The following PAPSS2 variants were observed in gnomAD, a reference collection of about 807,000 sequenced individuals.
The protein encoded by PAPSS2 is 3'-phosphoadenosine 5'-phosphosulfate synthase 2.
PAPSS2 carries 61 observed loss-of-function variants against 66.5 expected under a neutral mutation model. The observed-to-expected ratio is 0.92, with a 90% CI of 0.75 to 1.14. The LOEUF (loss-of-function observed/expected upper bound fraction) is 1.14, where lower values mean the gene tolerates loss of function less well. Among genes scored for constraint, PAPSS2 ranks in the 50% most tolerant of loss-of-function variants. The pLI is 0.00. For missense variants in PAPSS2, 708 were observed against 789.6 expected, an observed-to-expected ratio of 0.90 and a Z score of 1.24; for synonymous variants, 289 against 287.5, an observed-to-expected ratio of 1.01 and a Z score of -0.05.
chr10:87,745,927 G>A lies in PAPSS2; in HGVS notation c.1817G>A (p.Trp606Ter). ...PPDGFMAPKA[W>*]KVLTDYYRSL... ...GATGGCTTCATGGCCCCCAAAGCAT[G>A]GAAGGTCCTGACAGATTATTACAGG... Residue 606 changes from tryptophan (W) to a stop codon, truncating the protein, a stop_gained, in exon 13 of 13, where the codon TGG becomes TAG. Coordinates refer to ENST00000456849, the MANE Select transcript of PAPSS2 (RefSeq NM_001015880.2). LOFTEE classifies it high-confidence loss of function. 6.2e-7 allele frequency: 1 copy of A among 1,614,050 alleles called. No homozygotes were observed.
chr10:87,718,721 T>C (rs1455949757), intron 7 of PAPSS2, among the ~76,000 whole-genome samples: 1 of 152,234 alleles, frequency 6.6e-6, no homozygotes, highest in Non-Finnish European at 1.5e-5. Flanking sequence ...TTTTGCAGTT[T>C]ATGGACTCTT....
intron 1 of PAPSS2, among the ~76,000 whole-genome samples, chr10:87,684,358 C>T (rs1346932485): frequency 6.6e-6 from 1 of 152,242 alleles, no homozygotes; most frequent in East Asian, 1.9e-4. Context: ...ATTATTCTTT[C>T]ACAGTTGCAA....
chr10:87,682,231 C>G (rs1853029957), intron 1 of PAPSS2, among the ~76,000 whole-genome samples: 1 of 152,182 alleles, frequency 6.6e-6, no homozygotes, highest in East Asian at 1.9e-4. Flanking sequence ...CATTGTATAG[C>G]CATGCCGGCT....
In PAPSS2 at chr10:87,747,003, G is replaced by T. The variant is rs1853949588; in HGVS notation, c.*1033G>T. On this transcript the variant is annotated 3_prime_UTR_variant, in exon 13 of 13. Coordinates refer to ENST00000456849, the MANE Select transcript of PAPSS2 (RefSeq NM_001015880.2). ...ATTAGGAAGTGCTGGTGGCAGTGAA[G>T]AAGCACCCAGGCCACTTGACTCCCA... is the stretch of plus-strand genomic sequence containing the variant. 1 of 152,166 alleles carries T rather than the reference G, an allele frequency of 6.6e-6. No individual in the cohort carries two copies. Among genetic ancestry groups the T allele is most frequent in the South Asian group, 2.1e-4 (1 of 4,828 alleles). The allele number at this position is 152,166 out of a possible 1,614,324, so 9.4% of individuals were successfully genotyped here.
In PAPSS2 at chr10:87,715,774, A is replaced by G. The variant is rs1853524721; in HGVS notation, c.796A>G (p.Thr266Ala). 6.2e-7 allele frequency: 1 copy of G among 1,613,500 alleles called. No individual in the cohort carries two copies. The highest frequency in any genetic ancestry group is 8.5e-7 in the Non-Finnish European group (1 of 1,179,702). The change falls in exon 7 of 13, where the codon ACT becomes GCT. Residue 266 changes from threonine to alanine, a missense_variant. Physicochemically the swap from Thr to Ala is moderately conservative, Grantham distance 58 (BLOSUM62 0). Coordinates refer to ENST00000456849, the MANE Select transcript of PAPSS2 (RefSeq NM_001015880.2). ...CCAGGTTTTGAGCGAAGGCTGGGCC[A>G]CTCCCCTCAAAGGTTTCATGCGGGA... is the stretch of plus-strand genomic sequence containing the variant. ...WVQVLSEGWATPLKGFMREKE... is the reference protein window; with the variant it reads ...WVQVLSEGWAAPLKGFMREKE...
intron 2 of PAPSS2, among the ~76,000 whole-genome samples, chr10:87,709,748 A>C (rs1853442163): frequency 6.6e-6 from 1 of 152,234 alleles, no homozygotes; most frequent in East Asian, 1.9e-4. Flanking sequence ...ATTGTTGCCT[A>C]ATGTTTTGAC....
intron 1 of PAPSS2, among the ~76,000 whole-genome samples, chr10:87,708,860 A>G (rs1022446595): frequency 2.0e-5 from 3 of 152,220 alleles, no homozygotes; most frequent in African/African-American, 7.2e-5. Context: ...GCATGAATCA[A>G]TGAGATATGA....
chr10:87,730,586 T>C (rs768163276), intron 9 of PAPSS2, among the ~76,000 whole-genome samples: 1 of 152,194 alleles, frequency 6.6e-6, no homozygotes, highest in African/African-American at 2.4e-5. Flanking sequence ...CAAATGCAAA[T>C]GTACCCCACA....
At chr10:87,734,703 A>ATATG (rs1554868034) in intron 9 of PAPSS2, among the ~76,000 whole-genome samples, 1,639 of 110,988 alleles carry the variant, frequency 0.015, 82 homozygotes, top group African/African-American at 0.058. Context: ...ATATATATAT[A>ATATG]TATGTATGTA....
intron 2 of PAPSS2, among the ~76,000 whole-genome samples, chr10:87,712,677 G>A (rs1035807368): frequency 3.9e-5 from 6 of 151,914 alleles, no homozygotes; most frequent in African/African-American, 1.2e-4. Context: ...GGCTAGTTTC[G>A]AACTCCTGGG....
At chr10:87,740,608 C>A (rs1181942212) in intron 9 of PAPSS2, among the ~76,000 whole-genome samples, 1 of 152,162 alleles carries the variant, frequency 6.6e-6, no homozygotes, top group Non-Finnish European at 1.5e-5. Context: ...CCAACTTAAA[C>A]CTTTAAGAAA....
intron 1 of PAPSS2, among the ~76,000 whole-genome samples, chr10:87,670,516 G>A (rs1852862842): frequency 6.6e-6 from 1 of 152,038 alleles, no homozygotes; most frequent in Non-Finnish European, 1.5e-5. Context: ...GTGTTTCAGC[G>A]ATAGGTACTA....
intron 3 of PAPSS2, among the ~76,000 whole-genome samples, chr10:87,713,629 T>C (rs867415234): frequency 2.0e-5 from 3 of 152,090 alleles, no homozygotes; most frequent in South Asian, 4.2e-4. Context: ...CCTCTGTAAT[T>C]TTAGTTGTCG....
intron 1 of PAPSS2, among the ~76,000 whole-genome samples, chr10:87,706,108 ATGTGTGTGTGTGTGTGTGTGTGTGTGTG>A (rs150079044): frequency 2.9e-4 from 15 of 51,980 alleles, no homozygotes; most frequent in Admixed American, 4.1e-4. Context: ...ATATATATAT[ATGTGTGTGTGTGTGTGTGTGTGTGTGTG>A]TGTGTATATA....
intron 8 of PAPSS2, 39 bp from the exon 9 acceptor site, chr10:87,727,245 T>TG (rs1853669847): frequency 1.3e-6 from 2 of 1,539,184 alleles, no homozygotes; most frequent in Admixed American, 1.7e-5. Flanking sequence ...TGGCACACCT[T>TG]ATATCTAGTT....
At chr10:87,688,200 T>A (rs1010640810) in intron 1 of PAPSS2, among the ~76,000 whole-genome samples, 2 of 151,916 alleles carry the variant, frequency 1.3e-5, no homozygotes, top group Non-Finnish European at 2.9e-5. Flanking sequence ...AATATTCTAG[T>A]TAAAAATTAG....
chr10:87,670,998 A>T (rs1852870421), intron 1 of PAPSS2, among the ~76,000 whole-genome samples: 1 of 152,188 alleles, frequency 6.6e-6, no homozygotes, highest in South Asian at 2.1e-4. Context: ...GGGAACAAGC[A>T]TTTATCCAGG....
chr10:87,693,889 G>T (rs1465606242), intron 1 of PAPSS2, among the ~76,000 whole-genome samples: 2 of 152,166 alleles, frequency 1.3e-5, no homozygotes, highest in Non-Finnish European at 2.9e-5. Flanking sequence ...GTCACAGCAG[G>T]TCTCACTTGA....
chr10:87,665,527 T>G (rs1852805468), intron 1 of PAPSS2, among the ~76,000 whole-genome samples: 1 of 152,158 alleles, frequency 6.6e-6, no homozygotes, highest in African/African-American at 2.4e-5. Flanking sequence ...TACCACTTTT[T>G]AAAGACTTAG....
Sources: allele counts gnomAD v4.1 joint callset (sites outside exome capture counted in the v4.1 genomes callset), GRCh38; gene constraint gnomAD v4.1.1; transcripts MANE v1.5; gene names NCBI Gene and HGNC (gene_info 2026-07-23, HGNC 2026-07-21).